Variants in SGTB observed in about 807,000 individuals in gnomAD.
SGTB encodes small glutamine-rich tetratricopeptide repeat-containing protein beta.
A neutral mutation model predicts 43.9 loss-of-function variants in SGTB; 19 were observed. The ratio of observed to expected loss-of-function variants is 0.43; its 90% CI spans 0.30 to 0.63. The LOEUF (loss-of-function observed/expected upper bound fraction) is 0.63, where lower values mean the gene tolerates loss of function less well. Among genes scored for constraint, SGTB ranks in the 30% least tolerant of loss-of-function variants. The probability of loss-of-function intolerance (pLI) is 0.12; values close to 1 mark genes in which losing one functional copy is unlikely to be tolerated. For synonymous variants in SGTB, 116 were observed against 117.3 expected (o/e 0.99, Z 0.07); for missense variants, 304 against 358.9 (o/e 0.85, Z 1.24).
intron 1 of SGTB, among the ~76,000 whole-genome samples, chr5:65,721,280 T>G (rs1324216925): frequency 6.6e-6 from 1 of 152,206 alleles, no homozygotes; most frequent in African/African-American, 2.4e-5. Flanking sequence ...TTTTGTAGGT[T>G]GAGAGTTATT....
At chr5:65,689,592 T>C (rs1344333492) in intron 5 of SGTB, among the ~76,000 whole-genome samples, 1 of 152,180 alleles carries the variant, frequency 6.6e-6, no homozygotes, top group African/African-American at 2.4e-5. Context: ...ACCACTCCAT[T>C]TGTTCTTCTC....
At position 65,696,465 on chromosome 5, in the gene SGTB, A is replaced by T. The variant is rs528468359; in HGVS notation, c.374+7814T>A. ...TTGGTGGTGTTTTAGACCTATACTC[A>T]ATCAGTTGTTGTTTTATGTACACAA... On this transcript the variant is annotated intron_variant, in intron 5 of 10. Transcript: ENST00000381007. Among the ~76,000 whole-genome samples, 7 of 152,308 alleles carry T rather than the reference A, an allele frequency of 4.6e-5. No homozygotes were observed. In the South Asian group the frequency reaches 1.5e-3, roughly 32 times the overall value.
chr5:65,707,435 CA>C (rs1757955031), intron 4 of SGTB, among the ~76,000 whole-genome samples: 1 of 141,016 alleles, frequency 7.1e-6, no homozygotes, highest in African/African-American at 2.8e-5. Context: ...CACACACACA[CA>C]TATATTTTTT....
At chr5:65,713,833 G>A (rs1197051868) in intron 2 of SGTB, among the ~76,000 whole-genome samples, 1 of 152,094 alleles carries the variant, frequency 6.6e-6, no homozygotes, top group Non-Finnish European at 1.5e-5. Flanking sequence ...TTCAAGGCCA[G>A]CCTGGGTAAC....
chr5:65,720,564 G>C, intron 2 of SGTB, 144 bp downstream of exon 2: 2 of 823,924 alleles, frequency 2.4e-6, no homozygotes, highest in South Asian at 5.0e-5. Flanking sequence ...ATGGAAATAC[G>C]ATAACCTTAT....
intron 6 of SGTB, among the ~76,000 whole-genome samples, chr5:65,684,330 C>A (rs1347786363): frequency 2.0e-5 from 3 of 152,080 alleles, no homozygotes; most frequent in Non-Finnish European, 4.4e-5. Context: ...GCATTTCTCC[C>A]ACCTTGGCCT....
intron 5 of SGTB, among the ~76,000 whole-genome samples, chr5:65,702,257 C>T (rs1480867745): frequency 6.6e-6 from 1 of 151,742 alleles, no homozygotes; most frequent in Admixed American, 6.6e-5. Flanking sequence ...ACCGAAGGTC[C>T]CCTGGCAAAG....
At chr5:65,706,338 C>T (rs6866950) in intron 4 of SGTB, among the ~76,000 whole-genome samples, 2,615 of 152,124 alleles carry the variant, frequency 0.017, 73 homozygotes, top group African/African-American at 0.06. Flanking sequence ...GTTATTGAGA[C>T]TTTGATGTTG....
rs1460586792 is a variant in SGTB, at chr5:65,667,134, C to T, written c.*3112G>A. ...TTAGGTTATCTGTTTCTACAGTGAGCTTTCTAGTTTGTATCCTATAGGGAA... is the reference window on the plus strand; with the variant it reads ...TTAGGTTATCTGTTTCTACAGTGAGTTTTCTAGTTTGTATCCTATAGGGAA... On this transcript the variant is annotated 3_prime_UTR_variant, in exon 11 of 11. Coordinates refer to ENST00000381007, the MANE Select transcript of SGTB (RefSeq NM_019072.3). 6.6e-6 allele frequency: 1 copy of T among 152,128 alleles called. No individual in the cohort carries two copies. Among genetic ancestry groups the T allele is most frequent in the Non-Finnish European group, 1.5e-5 (1 of 67,992 alleles). The allele number at this position is 152,128 out of a possible 1,614,324, so 9.4% of individuals were successfully genotyped here. A position where few individuals can be genotyped will look rare whatever the true frequency, so the allele number is the denominator to read the frequency against.
intron 5 of SGTB, among the ~76,000 whole-genome samples, chr5:65,698,076 G>C (rs1232176432): frequency 6.6e-6 from 1 of 152,122 alleles, no homozygotes; most frequent in African/African-American, 2.4e-5. Flanking sequence ...GGGGTTTAAG[G>C]AACTTCCTGG....
At position 65,680,754 on chromosome 5, in the gene SGTB, T is replaced by C. The variant is rs763281162; in HGVS notation, c.520A>G (p.Thr174Ala). The change falls in exon 7 of 11, where the codon ACA becomes GCA. Residue 174 changes from threonine (T) to alanine (A), a missense_variant. Physicochemically the swap from Thr to Ala is moderately conservative, Grantham distance 58. Transcript: ENST00000381007. ...AGATCTAATGCCTTTTGATAACTTGTAACTGCTTCTTCAAATTTATTCAAG... is the reference window on the plus strand; with the variant it reads ...AGATCTAATGCCTTTTGATAACTTGCAACTGCTTCTTCAAATTTATTCAAG... ...TALNKFEEAV[T>A]SYQKALDLDP... 2.5e-6 allele frequency: 4 copies of C among 1,613,936 alleles called. No individual in the cohort carries two copies. The East Asian group carries it at 8.9e-5, about 36-fold the overall frequency.
chr5:65,670,801 C>A (rs960096102), intron 10 of SGTB, among the ~76,000 whole-genome samples: 2 of 152,088 alleles, frequency 1.3e-5, no homozygotes, highest in African/African-American at 4.8e-5. Flanking sequence ...GTATGTGACC[C>A]TCTATTGCCA....
rs913283243 is a variant in SGTB at position 65,667,974 on chromosome 5, A to G, written c.*2272T>C. 7 of 149,480 alleles carry G rather than the reference A, an allele frequency of 4.7e-5. No individual in the cohort carries two copies. The highest frequency in any genetic ancestry group is 1.5e-4 in the African/African-American group (6 of 40,644). 9.3% of individuals were successfully genotyped at this position (149,480 alleles called of 1,614,324 possible). A position where few individuals can be genotyped will look rare whatever the true frequency, so the allele number is the denominator to read the frequency against. Reference sequence around the variant, plus strand: ...TTTTCTTTTTTTTTTTTTTTTTGAAATGGAGTCTTGCTCTGTCACCCAGGC... The same window carrying G: ...TTTTCTTTTTTTTTTTTTTTTTGAAGTGGAGTCTTGCTCTGTCACCCAGGC... On this transcript the variant is annotated 3_prime_UTR_variant, in exon 11 of 11. Coordinates refer to ENST00000381007, the MANE Select transcript of SGTB (RefSeq NM_019072.3).
chr5:65,698,115 AC>A (rs1757745413), intron 5 of SGTB, among the ~76,000 whole-genome samples: 1 of 152,020 alleles, frequency 6.6e-6, no homozygotes, highest in Non-Finnish European at 1.5e-5. Flanking sequence ...GATTACAGGC[AC>A]CCTCCACCAT....
chr5:65,684,277 TC>T (rs1757455579), intron 6 of SGTB, among the ~76,000 whole-genome samples: 1 of 151,894 alleles, frequency 6.6e-6, no homozygotes, highest in Admixed American at 6.6e-5. Context: ...AGAGATGGGG[TC>T]TTGCTATGTT....
At chr5:65,704,676 T>G (rs1039620006) in intron 4 of SGTB, among the ~76,000 whole-genome samples, 4 of 152,172 alleles carry the variant, frequency 2.6e-5, no homozygotes, top group African/African-American at 9.7e-5. Context: ...CAAAAGTGAA[T>G]CTCTTCTCAC....
At chr5:65,704,159 C>T in intron 5 of SGTB, 120 bp downstream of exon 5, 2 of 635,830 alleles carry the variant, frequency 3.1e-6, no homozygotes, top group African/African-American at 1.9e-5. Context: ...TTTTTTCTTC[C>T]TTCTTTATAT....
chr5:65,700,318 T>C (rs1757787336), intron 5 of SGTB, among the ~76,000 whole-genome samples: 1 of 152,158 alleles, frequency 6.6e-6, no homozygotes, highest in South Asian at 2.1e-4. Context: ...ACATTGAATG[T>C]GGAGAAAAGA....
At chr5:65,688,153 T>C (rs911934141) in intron 5 of SGTB, among the ~76,000 whole-genome samples, 1 of 152,208 alleles carries the variant, frequency 6.6e-6, no homozygotes, top group Non-Finnish European at 1.5e-5. Context: ...AAGGAGTTAA[T>C]GGACTTTTTG....
Sources: gnomAD v4.1 joint callset for allele counts (sites outside exome capture counted in the v4.1 genomes callset) on GRCh38, gnomAD v4.1.1 for gene constraint, MANE v1.5 for transcripts, NCBI Gene and HGNC (gene_info 2026-07-23, HGNC 2026-07-21) for gene names.